Variants in FAM53B observed in about 807,000 individuals in gnomAD.
FAM53B encodes protein FAM53B.
A neutral mutation model predicts 32.7 loss-of-function variants in FAM53B; 12 were observed. The ratio of observed to expected loss-of-function variants is 0.37; its 90% CI spans 0.24 to 0.59. FAM53B has a LOEUF of 0.59. Ranked by LOEUF, FAM53B falls within the 20% of genes least tolerant of loss-of-function variation. The pLI is 0.72. For synonymous variants in FAM53B, 234 were observed against 228.7 expected (o/e 1.02, Z -0.21); for missense variants, 477 against 577.7 (o/e 0.83, Z 1.79).
At chr10:124,737,250 AG>A (rs1402969117) in intron 1 of FAM53B, among the ~76,000 whole-genome samples, 1 of 152,208 alleles carries the variant, frequency 6.6e-6, no homozygotes, top group East Asian at 1.9e-4. Flanking sequence ...AACTCCCCAC[AG>A]GGGGAAGAGC....
At chr10:124,718,481 G>T (rs1950049881) in intron 1 of FAM53B, among the ~76,000 whole-genome samples, 1 of 152,220 alleles carries the variant, frequency 6.6e-6, no homozygotes, top group Non-Finnish European at 1.5e-5. Context: ...AAACTGGAGG[G>T]ACTCTAAGCT....
chr10:124,704,949 C>A (rs1949942564), intron 2 of FAM53B, among the ~76,000 whole-genome samples: 1 of 152,176 alleles, frequency 6.6e-6, no homozygotes, highest in African/African-American at 2.4e-5. Context: ...CAAATGTGAA[C>A]TGGAAAGGAT....
At chr10:124,692,127 C>CA (rs1022701590) in intron 3 of FAM53B, among the ~76,000 whole-genome samples, 2 of 152,224 alleles carry the variant, frequency 1.3e-5, no homozygotes, top group Non-Finnish European at 2.9e-5. Context: ...AGCCAAGAGT[C>CA]AAAACAGCCT....
intron 1 of FAM53B, among the ~76,000 whole-genome samples, chr10:124,709,611 T>C (rs1589759029): frequency 6.6e-6 from 1 of 152,066 alleles, no homozygotes; most frequent in African/African-American, 2.4e-5. Context: ...CTTTGCACCG[T>C]AAGAGCCCAA....
In FAM53B at chr10:124,622,016, G is replaced by A. The variant is rs547830529; in HGVS notation, c.*1226C>T. 6.6e-6 allele frequency: 1 copy of A among 152,602 alleles called. No individual in the cohort carries two copies. The highest frequency in any genetic ancestry group is 2.1e-4 in the South Asian group (1 of 4,832). The allele number at this position is 152,602 out of a possible 1,614,324, so 9.5% of individuals were successfully genotyped here. ...GGAGAGCAAACCCTCAGGGGGCTAG[G>A]CTCCTCGGATGCCCCAGGGTGAGGA... is the stretch of plus-strand genomic sequence containing the variant. On this transcript the variant is annotated 3_prime_UTR_variant, in exon 5 of 5. Coordinates refer to ENST00000337318, the MANE Select transcript of FAM53B (RefSeq NM_014661.4).
At chr10:124,713,947 A>G (rs867105734) in intron 1 of FAM53B, 124 of 152,208 alleles carry the variant, frequency 8.1e-4, no homozygotes, top group African/African-American at 2.9e-3. Context: ...GTCTTTGTGC[A>G]CTTTGAAACT....
intron 1 of FAM53B, among the ~76,000 whole-genome samples, chr10:124,741,225 C>G (rs973061487): frequency 6.6e-6 from 1 of 152,088 alleles, no homozygotes; most frequent in Non-Finnish European, 1.5e-5. Context: ...GAGAGGTGTG[C>G]GTGGTGGTGG....
At chr10:124,681,509 A>G (rs1949771409) in intron 4 of FAM53B, 98 bp downstream of exon 4, 3 of 1,072,128 alleles carry the variant, frequency 2.8e-6, no homozygotes, top group Non-Finnish European at 4.0e-6. Context: ...ACTCCTGGGT[A>G]TTTCTGAAAC....
intron 4 of FAM53B, among the ~76,000 whole-genome samples, chr10:124,647,071 G>C (rs1949520402): frequency 6.6e-6 from 1 of 152,216 alleles, no homozygotes; most frequent in East Asian, 1.9e-4. Context: ...TCAATGAAGA[G>C]GCAGGACTGG....
chr10:124,623,856 A>G (rs997516445), intron 4 of FAM53B: 7 of 477,882 alleles, frequency 1.5e-5, no homozygotes, highest in Non-Finnish European at 2.6e-5. Context: ...AAAGCACACA[A>G]ATTTGATGCA....
intron 1 of FAM53B, among the ~76,000 whole-genome samples, chr10:124,736,131 T>G (rs1482688493): frequency 6.6e-6 from 1 of 152,230 alleles, no homozygotes; most frequent in Non-Finnish European, 1.5e-5. Flanking sequence ...CTACGCCCAT[T>G]GCAAGGGGCT....
intron 1 of FAM53B, among the ~76,000 whole-genome samples, chr10:124,710,603 T>C (rs1006497792): frequency 8.6e-5 from 13 of 152,018 alleles, no homozygotes; most frequent in African/African-American, 2.9e-4. Context: ...AAAAAGACAA[T>C]AACTGGGTGA....
chr10:124,736,661 G>A (rs1589769098), intron 1 of FAM53B, among the ~76,000 whole-genome samples: 1 of 152,258 alleles, frequency 6.6e-6, no homozygotes, highest in African/African-American at 2.4e-5. Flanking sequence ...TTCAGCCAGA[G>A]GGCAGCCTGG....
chr10:124,727,122 G>A (rs529460482), intron 1 of FAM53B, among the ~76,000 whole-genome samples: 47 of 152,198 alleles, frequency 3.1e-4, no homozygotes, highest in Non-Finnish European at 5.4e-4. Flanking sequence ...AGGCTCAAGC[G>A]ATCCTCCCGT....
At chr10:124,704,039 C>G (rs1949933472) in intron 2 of FAM53B, 1 of 152,552 alleles carries the variant, frequency 6.6e-6, no homozygotes, top group African/African-American at 2.4e-5. Flanking sequence ...GGCAGTCCCA[C>G]CCTGAGAAGG....
chr10:124,662,461 C>CCCATCCAT (rs79363634), intron 4 of FAM53B, among the ~76,000 whole-genome samples: 66 of 119,898 alleles, frequency 5.5e-4, no homozygotes, highest in African/African-American at 1.8e-3. Context: ...CACCCACCCA[C>CCCATCCAT]CCATCCATCC....
chr10:124,661,068 A>AAAAAC (rs906099102), intron 4 of FAM53B, among the ~76,000 whole-genome samples: 1 of 151,740 alleles, frequency 6.6e-6, no homozygotes, highest in African/African-American at 2.4e-5. Context: ...AAAAAAAAAA[A>AAAAAC]AAAAAAAAAC....
rs746823774 is a variant in FAM53B at position 124,681,777 on chromosome 10, C to T, written c.736G>A (p.Ala246Thr). Residue 246 changes from alanine (A) to threonine (T), a missense_variant, in exon 4 of 5, where the codon GCC becomes ACC. Coordinates refer to ENST00000337318, the MANE Select transcript of FAM53B (RefSeq NM_014661.4). ...FSFVEYCPPS[A>T]NSTPASTPEL... The stretch of plus-strand genomic sequence containing the variant: ...GGTGTTGAGGCAGGTGTGCTGTTGG[C>T]TGAGGGAGGACAGTATTCCACAAAG... 3 of 1,608,836 alleles carry T rather than the reference C, an allele frequency of 1.9e-6. No individual in the cohort carries two copies. The highest frequency in any genetic ancestry group is 3.4e-5 in the Admixed American group (2 of 59,086).
intron 4 of FAM53B, among the ~76,000 whole-genome samples, chr10:124,646,798 T>C (rs977990776): frequency 6.6e-6 from 1 of 152,338 alleles, no homozygotes; most frequent in African/African-American, 2.4e-5. Context: ...GAAGCAGCCA[T>C]GATGGATGCC....
Sources: allele counts gnomAD v4.1 joint callset (sites outside exome capture counted in the v4.1 genomes callset), GRCh38; gene constraint gnomAD v4.1.1; transcripts MANE v1.5; gene names NCBI Gene and HGNC (gene_info 2026-07-23, HGNC 2026-07-21).